The following ARHGEF4 variants were observed in gnomAD, a reference collection of about 807,000 sequenced individuals.
The protein encoded by ARHGEF4 is Rho guanine nucleotide exchange factor 4, also known as APC-stimulated guanine nucleotide exchange factor 1.
ARHGEF4 carries 119 observed loss-of-function variants against 162.0 expected under a neutral mutation model. The ratio of observed to expected loss-of-function variants is 0.73; its 90% CI spans 0.63 to 0.86. The LOEUF (loss-of-function observed/expected upper bound fraction) is 0.86, where lower values mean the gene tolerates loss of function less well. ARHGEF4 is among the 40% of genes least tolerant of loss of function. ARHGEF4 has a pLI of 0.00. For synonymous variants in ARHGEF4, 1,014 were observed against 979.9 expected, an observed-to-expected ratio of 1.03 and a Z score of -0.65; for missense variants, 2,488 against 2,456.0, an observed-to-expected ratio of 1.01 and a Z score of -0.28.
At chr2:130,865,722 T>G (rs1315828586) in intron 1 of ARHGEF4, among the ~76,000 whole-genome samples, 1 of 152,164 alleles carries the variant, frequency 6.6e-6, no homozygotes, top group Non-Finnish European at 1.5e-5. Context: ...GTTTGTTTGT[T>G]TGTTTGTTTT....
intron 1 of ARHGEF4, among the ~76,000 whole-genome samples, chr2:130,852,437 A>G (rs892690392): frequency 6.6e-6 from 1 of 151,604 alleles, no homozygotes; most frequent in African/African-American, 2.4e-5. Flanking sequence ...TTCTGCCTCC[A>G]GGACCTCCAA....
chr2:130,878,803 C>A (rs1295259411), intron 1 of ARHGEF4, among the ~76,000 whole-genome samples: 1 of 152,160 alleles, frequency 6.6e-6, no homozygotes, highest in Non-Finnish European at 1.5e-5. Context: ...AAATATGGTC[C>A]CCATCCTCCA....
At chr2:130,958,440 T>C (rs1234118987) in intron 4 of ARHGEF4, among the ~76,000 whole-genome samples, 1 of 151,918 alleles carries the variant, frequency 6.6e-6, no homozygotes, top group Non-Finnish European at 1.5e-5. Context: ...AACGCAGTCT[T>C]GCTCTGTTGC....
chr2:130,931,070 C>T lies in ARHGEF4; in HGVS notation c.3671C>T (p.Ala1224Val). 1 of 1,614,192 alleles carries T rather than the reference C, an allele frequency of 6.2e-7. No homozygotes were observed. The highest frequency in any genetic ancestry group is 8.5e-7 in the Non-Finnish European group (1 of 1,180,032). ...PCFTTDMVTW[A>V]LLCISAETVR... ...TTCACCACTGACATGGTGACATGGGCCCTCCTCTGCATCTCTGCAGAGACT... is the reference window on the plus strand; with the variant it reads ...TTCACCACTGACATGGTGACATGGGTCCTCCTCTGCATCTCTGCAGAGACT... Residue 1224 changes from alanine to valine, a missense_variant, in exon 3 of 14, where the codon GCC becomes GTC. Ala to Val is a moderately conservative substitution (Grantham distance 64, BLOSUM62 0). Around this residue, in one of 6 missense-constraint regions of ARHGEF4, gnomAD observed 1,642 missense variants for 1,481.5 expected, o/e 1.11. Transcript: ENST00000409359.
intron 4 of ARHGEF4, among the ~76,000 whole-genome samples, chr2:130,967,715 G>C (rs553659595): frequency 9.1e-4 from 139 of 152,310 alleles, no homozygotes; most frequent in African/African-American, 3.2e-3. Context: ...CACAGCACAG[G>C]GAGACAGACA....
Position 130,989,772 on chromosome 2 carries a change from C to T in ARHGEF4, c.3986-38173C>T, listed in dbSNP as rs151229994. ...CTTGTCTCTGTCAACTTTATGACGG[C>T]GGGGCCTGTGTTTGACCCTCCTTAT... On this transcript the variant is annotated intron_variant, in intron 4 of 13. Transcript: ENST00000409359. 2.6e-5 allele frequency among the ~76,000 whole-genome samples: 4 copies of T among 152,242 alleles called. No individual in the cohort carries two copies. The East Asian group carries it at 5.8e-4, about 22-fold the overall frequency.
intron 1 of ARHGEF4, among the ~76,000 whole-genome samples, chr2:130,849,382 T>TA (rs1418375613): frequency 1.3e-5 from 2 of 152,108 alleles, no homozygotes; most frequent in Non-Finnish European, 2.9e-5. Context: ...TTGCTGCCCT[T>TA]AGAGACAACC....
At chr2:131,039,371 GC>G in intron 6 of ARHGEF4, 1 of 1,092,622 alleles carries the variant, frequency 9.2e-7, no homozygotes, top group Non-Finnish European at 1.1e-6. Context: ...CTCACACACA[GC>G]CCCGGGAGTG....
intron 4 of ARHGEF4, among the ~76,000 whole-genome samples, chr2:130,989,976 G>A (rs1238427762): frequency 6.6e-6 from 1 of 152,144 alleles, no homozygotes; most frequent in Non-Finnish European, 1.5e-5. Context: ...TCCAGCTTCC[G>A]CTAAGGACCA....
chr2:130,945,366 C>T (rs1251545413), intron 3 of ARHGEF4, among the ~76,000 whole-genome samples: 1 of 152,120 alleles, frequency 6.6e-6, no homozygotes, highest in African/African-American at 2.4e-5. Flanking sequence ...GATTCTCTCC[C>T]ATGCCCTTGG....
intron 1 of ARHGEF4, among the ~76,000 whole-genome samples, chr2:130,853,770 G>A (rs571052701): frequency 9.8e-5 from 15 of 152,344 alleles, no homozygotes; most frequent in African/African-American, 3.4e-4. Context: ...GTCCAGTGTT[G>A]TGGGAAAACC....
Position 131,040,267 on chromosome 2 carries a change from G to T in ARHGEF4, c.4489G>T (p.Val1497Phe). The change falls in exon 8 of 14, where the codon GTC (valine) becomes TTC (phenylalanine). Residue 1497 changes from valine to phenylalanine, a missense_variant. Physicochemically the swap from Val to Phe is conservative, Grantham distance 50. Transcript: ENST00000409359. Reference protein sequence around the residue: ...KHLRDICEGYVRQCRKRADMF... With the variant: ...KHLRDICEGYFRQCRKRADMF... ...TAACCACGTCCGCCCGCAGGGCTAC[G>T]TCCGGCAGTGCCGCAAGCGCGCAGA... 6.2e-7 allele frequency: 1 copy of T among 1,612,642 alleles called. No homozygotes were observed. The highest frequency in any genetic ancestry group is 8.5e-7 in the Non-Finnish European group (1 of 1,179,636).
chr2:130,954,058 T>G (rs1684120280), intron 4 of ARHGEF4, among the ~76,000 whole-genome samples: 2 of 152,242 alleles, frequency 1.3e-5, no homozygotes. Context: ...ACTGGGTATG[T>G]ACCCAAAGGA....
chr2:130,895,343 G>A (rs1243651116), intron 1 of ARHGEF4, among the ~76,000 whole-genome samples: 1 of 152,204 alleles, frequency 6.6e-6, no homozygotes, highest in African/African-American at 2.4e-5. Context: ...GGGCATTTGG[G>A]TTGTGGCCAG....
intron 4 of ARHGEF4, among the ~76,000 whole-genome samples, chr2:131,022,909 C>T (rs1689226214): frequency 6.7e-6 from 1 of 149,586 alleles, no homozygotes; most frequent in South Asian, 2.1e-4. Context: ...AGAGAAAATA[C>T]TCGCAAACCT....
chr2:131,026,786 G>A (rs988905811), intron 4 of ARHGEF4, among the ~76,000 whole-genome samples: 11 of 152,100 alleles, frequency 7.2e-5, no homozygotes, highest in South Asian at 4.2e-4. Context: ...TTCTTGCGCC[G>A]CTTTCAGGTT....
At position 130,915,868 on chromosome 2, in the gene ARHGEF4, T is replaced by G. The variant is rs561699746; in HGVS notation, c.1922T>G (p.Leu641Arg). The change falls in exon 2 of 14, where the codon CTT (leucine) becomes CGT (arginine). Residue 641 changes from leucine to arginine, a missense_variant. Leu to Arg is a moderately radical substitution (Grantham distance 102). This residue lies in a region of ARHGEF4 where 1,642 missense variants were observed against 1,481.5 expected (regional missense o/e 1.11). Transcript: ENST00000409359. Reference protein sequence around the residue: ...LIIVAVEQKGLQASRSNAGPV... With the variant: ...LIIVAVEQKGRQASRSNAGPV... ...ATTGTAGCTGTGGAGCAGAAAGGTC[T>G]TCAGGCCAGCAGGAGCAATGCGGGG... The G allele has an allele frequency of 6.5e-7, 1 of 1,547,538 alleles. No individual in the cohort carries two copies. The highest frequency in any genetic ancestry group is 8.7e-7 in the Non-Finnish European group (1 of 1,145,622).
chr2:131,035,709 A>C, intron 5 of ARHGEF4: 1 of 985,574 alleles, frequency 1.0e-6, no homozygotes, highest in Non-Finnish European at 1.2e-6. Context: ...TTTAGGCCTT[A>C]AAATACGTGG....
At chr2:130,958,599 G>A (rs1295294205) in intron 4 of ARHGEF4, among the ~76,000 whole-genome samples, 12 of 151,910 alleles carry the variant, frequency 7.9e-5, no homozygotes, top group African/African-American at 1.9e-4. Flanking sequence ...TAGTAGAGAC[G>A]GGGTTTCACC....
Sources: gnomAD v4.1 joint callset for allele counts (sites outside exome capture counted in the v4.1 genomes callset) on GRCh38, gnomAD v4.1.1 for gene constraint, gnomAD v4.1.1 regional missense constraint, MANE v1.5 for transcripts, NCBI Gene and HGNC (gene_info 2026-07-23, HGNC 2026-07-21) for gene names.